UBTD2: variants seen among roughly 807,000 people sequenced by gnomAD.
UBTD2 encodes ubiquitin domain containing 2.
In UBTD2, 9 loss-of-function variants were observed where a neutral mutation model predicts 19.8. The ratio of observed to expected loss-of-function variants is 0.46; its 90% CI spans 0.27 to 0.79. UBTD2 has a LOEUF of 0.79. Among genes scored for constraint, UBTD2 ranks in the 30% least tolerant of loss-of-function variants. The probability of loss-of-function intolerance (pLI) is 0.14; values close to 1 mark genes in which losing one functional copy is unlikely to be tolerated. For synonymous variants in UBTD2, 98 were observed against 103.9 expected (o/e 0.94, Z 0.35); for missense variants, 250 against 300.4 (o/e 0.83, Z 1.24).
At chr5:172,242,822 CTAAGTA>C (rs1772159150) in intron 1 of UBTD2, among the ~76,000 whole-genome samples, 2 of 152,130 alleles carry the variant, frequency 1.3e-5, no homozygotes, top group South Asian at 4.1e-4. Flanking sequence ...GGTGATTCTT[CTAAGTA>C]TGTCATTCTT....
chr5:172,277,430 T>C (rs1035672857), intron 1 of UBTD2, among the ~76,000 whole-genome samples: 3 of 152,084 alleles, frequency 2.0e-5, no homozygotes, highest in African/African-American at 7.2e-5. Flanking sequence ...CTTTAGGTGA[T>C]GCACGGTGGC....
chr5:172,271,009 A>G (rs1561866928), intron 1 of UBTD2, among the ~76,000 whole-genome samples: 1 of 151,956 alleles, frequency 6.6e-6, no homozygotes, highest in East Asian at 1.9e-4. Context: ...CATTTCACCT[A>G]TCTCCTCTAC....
In UBTD2 at chr5:172,211,814, G is replaced by A; in HGVS notation, c.*16C>T. ...AAGGAGCAGAGGGATGTGGGAGCTG[G>A]CCAACAGGGCTCAGTTCAGTTCTCC... is the stretch of plus-strand genomic sequence containing the variant. On this transcript the variant is annotated 3_prime_UTR_variant, in exon 3 of 3. Transcript: ENST00000393792. 1 of 1,577,766 alleles carries A rather than the reference G, an allele frequency of 6.3e-7. No individual in the cohort carries two copies. The highest frequency in any genetic ancestry group is 1.2e-5 in the South Asian group (1 of 86,100).
At chr5:172,234,944 A>G (rs918694514) in intron 1 of UBTD2, among the ~76,000 whole-genome samples, 8 of 144,954 alleles carry the variant, frequency 5.5e-5, no homozygotes, top group African/African-American at 2.1e-4. Context: ...CCAGAGAATT[A>G]TAGTTGTAAT....
intron 2 of UBTD2, among the ~76,000 whole-genome samples, chr5:172,212,734 G>C (rs138507033): frequency 6.6e-6 from 1 of 151,892 alleles, no homozygotes; most frequent in African/African-American, 2.4e-5. Context: ...GCACCATCTC[G>C]GCTCACTGCA....
chr5:172,273,276 C>T (rs1183570453), intron 1 of UBTD2, among the ~76,000 whole-genome samples: 2 of 137,348 alleles, frequency 1.5e-5, no homozygotes, highest in African/African-American at 5.4e-5. Context: ...TCAAATAATG[C>T]CCACTGCAAG....
chr5:172,283,501 G>A lies in UBTD2; in HGVS notation c.70+95C>T, dbSNP rs934615281. On this transcript the variant is annotated intron_variant, in intron 1 of 2. Transcript: ENST00000393792. This position sits in a 1 kb window ranked among gnomAD's most constrained non-coding sequence, Gnocchi z 4.3. ...GTGGAAGAGGGGATGACAAAGGGGCGCGGGGGCCCGGCGCGGCCCGCGGGG... is the reference window on the plus strand; with the variant it reads ...GTGGAAGAGGGGATGACAAAGGGGCACGGGGGCCCGGCGCGGCCCGCGGGG... 2.2e-5 allele frequency: 22 copies of A among 990,166 alleles called. No individual in the cohort carries two copies. The South Asian group carries it at 8.8e-4, about 40-fold the overall frequency. The allele number at this position is 990,166 out of a possible 1,614,324, so 61.3% of individuals were successfully genotyped here.
At chr5:172,241,528 TA>T (rs1403797929) in intron 1 of UBTD2, among the ~76,000 whole-genome samples, 1 of 150,492 alleles carries the variant, frequency 6.6e-6, no homozygotes, top group Non-Finnish European at 1.5e-5. Flanking sequence ...GGACCAGAAA[TA>T]AAACTAACTC....
chr5:172,273,916 C>T (rs895674527), intron 1 of UBTD2, among the ~76,000 whole-genome samples: 16 of 152,016 alleles, frequency 1.1e-4, no homozygotes, highest in Non-Finnish European at 2.4e-4. Context: ...CCCCTCCCTA[C>T]AACTCCACTC....
At chr5:172,253,841 TATGTTAGTTTAC>T (rs1755081588) in intron 1 of UBTD2, among the ~76,000 whole-genome samples, 1 of 152,200 alleles carries the variant, frequency 6.6e-6, no homozygotes, top group Non-Finnish European at 1.5e-5. Flanking sequence ...GACAATTGAT[TATGTTAGTTTAC>T]ATGTTCCCTT....
chr5:172,230,763 C>A (rs1002368522), intron 2 of UBTD2, among the ~76,000 whole-genome samples: 1 of 151,226 alleles, frequency 6.6e-6, no homozygotes, highest in Non-Finnish European at 1.5e-5. Context: ...ATGTGCCCAA[C>A]GTAAAATTTA....
intron 1 of UBTD2, among the ~76,000 whole-genome samples, chr5:172,270,804 T>C (rs1156871543): frequency 6.6e-6 from 1 of 152,204 alleles, no homozygotes; most frequent in Non-Finnish European, 1.5e-5. Context: ...TAGACTATAA[T>C]AACCTACTAC....
intron 2 of UBTD2, among the ~76,000 whole-genome samples, chr5:172,214,549 G>C (rs532886725): frequency 6.3e-4 from 96 of 152,282 alleles, no homozygotes; most frequent in African/African-American, 2.2e-3. Flanking sequence ...ATCCCAGTGA[G>C]TCAGGGTTTA....
At chr5:172,257,749 G>A (rs62382002) in intron 1 of UBTD2, among the ~76,000 whole-genome samples, 11,521 of 152,186 alleles carry the variant, frequency 0.076, 579 homozygotes, top group Middle Eastern at 0.12. Context: ...CATGATTTAC[G>A]TTTCTCTAAT....
intron 1 of UBTD2, among the ~76,000 whole-genome samples, chr5:172,237,487 TATAAAC>T (rs1412136000): frequency 1.3e-5 from 2 of 152,212 alleles, no homozygotes; most frequent in Non-Finnish European, 2.9e-5. Flanking sequence ...CTGCCTGTAT[TATAAAC>T]ATAATATAGA....
chr5:172,211,666 G>A lies in UBTD2; in HGVS notation c.*164C>T. On this transcript the variant is annotated 3_prime_UTR_variant, in exon 3 of 3. Coordinates refer to ENST00000393792, the MANE Select transcript of UBTD2 (RefSeq NM_152277.3). ...TCTTTGTGTTTTATTATTTTTGTTG[G>A]TCTCCATCACAGATGGAATTTTTCA... The A allele has an allele frequency of 1.6e-6, 1 of 644,568 alleles. No individual in the cohort carries two copies. The highest frequency in any genetic ancestry group is 2.4e-6 in the Non-Finnish European group (1 of 424,760). The allele number at this position is 644,568 out of a possible 1,614,324, so 39.9% of individuals were successfully genotyped here. A position where few individuals can be genotyped will look rare whatever the true frequency, so the allele number is the denominator to read the frequency against.
intron 2 of UBTD2, among the ~76,000 whole-genome samples, chr5:172,223,865 G>A (rs978382322): frequency 2.0e-5 from 3 of 152,138 alleles, no homozygotes; most frequent in South Asian, 2.1e-4. Context: ...GTACTTGGAA[G>A]AGAACAAAAG....
intron 1 of UBTD2, among the ~76,000 whole-genome samples, chr5:172,261,630 CTTTTTT>C (rs967721607): frequency 1.4e-5 from 2 of 146,786 alleles, no homozygotes; most frequent in Admixed American, 6.9e-5. Flanking sequence ...CTCACATACA[CTTTTTT>C]TTTTTTGAGA....
chr5:172,253,418 C>G (rs945493235), intron 1 of UBTD2, among the ~76,000 whole-genome samples: 4 of 151,604 alleles, frequency 2.6e-5, no homozygotes, highest in African/African-American at 9.7e-5. Flanking sequence ...TCTCACAAAT[C>G]AACTGACAAA....
Sources: allele counts gnomAD v4.1 joint callset (sites outside exome capture counted in the v4.1 genomes callset), GRCh38; gene constraint gnomAD v4.1.1; non-coding constraint Gnocchi (gnomAD v3.1); transcripts MANE v1.5; gene names NCBI Gene and HGNC (gene_info 2026-07-23, HGNC 2026-07-21).